ROR1: variants seen among roughly 807,000 people sequenced by gnomAD.
ROR1 encodes the protein ROR family WNT receptor 1.
Under a neutral mutation model 78.8 loss-of-function variants are expected in ROR1, and 19 were observed. The ratio of observed to expected loss-of-function variants is 0.24; its 90% CI spans 0.17 to 0.35. The LOEUF (loss-of-function observed/expected upper bound fraction) is 0.35, where lower values mean the gene tolerates loss of function less well. ROR1 is among the 10% of genes least tolerant of loss of function. ROR1 has a pLI of 1.00. For missense variants in ROR1, 917 were observed against 1,177.8 expected (o/e 0.78, Z 3.24); for synonymous variants, 386 against 433.6 (o/e 0.89, Z 1.36).
chr1:63,949,519 C>T (rs1448343938), intron 1 of ROR1, among the ~76,000 whole-genome samples: 1 of 152,124 alleles, frequency 6.6e-6, no homozygotes, highest in Non-Finnish European at 1.5e-5. Context: ...AATTAAGAAA[C>T]AGAGGCTTAG....
chr1:63,815,478 C>CTTTTCTTTTTTTTTTTTTTT (rs1644885927), intron 1 of ROR1, among the ~76,000 whole-genome samples: 1 of 103,508 alleles, frequency 9.7e-6, no homozygotes, highest in South Asian at 3.0e-4. Flanking sequence ...CTTTTCTTTT[C>CTTTTCTTTTTTTTTTTTTTT]TTTTTCTTTT....
Position 64,121,490 on chromosome 1 carries a change from C to CTT in ROR1, c.483-15879_483-15878insTT, listed in dbSNP as rs1648541079. ...TGTCCCTCCCCCGGAATGTAAACTG[C>CTT]CATGAGGGCAGGGATTTTGGGATGT... On this transcript the variant is annotated intron_variant, in intron 4 of 8. Transcript: ENST00000371079. 2.0e-5 allele frequency among the ~76,000 whole-genome samples: 3 copies of CTT among 152,174 alleles called. No homozygotes were observed. The South Asian group carries it at 6.2e-4, about 32-fold the overall frequency.
At chr1:64,091,424 A>G (rs1647196178) in intron 4 of ROR1, among the ~76,000 whole-genome samples, 1 of 152,200 alleles carries the variant, frequency 6.6e-6, no homozygotes, top group Non-Finnish European at 1.5e-5. Flanking sequence ...TAATTTATCA[A>G]AGATTCAGTA....
intron 1 of ROR1, among the ~76,000 whole-genome samples, chr1:63,932,650 A>G (rs575317838): frequency 6.6e-6 from 1 of 152,110 alleles, no homozygotes; most frequent in Admixed American, 6.5e-5. Context: ...TCCTCAAGTG[A>G]TGTTATCATG....
chr1:64,055,641 A>T (rs773270493), intron 4 of ROR1, among the ~76,000 whole-genome samples: 2 of 152,196 alleles, frequency 1.3e-5, no homozygotes, highest in Non-Finnish European at 2.9e-5. Context: ...CTCTCATTAC[A>T]TATATTCCCT....
intron 7 of ROR1, among the ~76,000 whole-genome samples, chr1:64,143,961 G>A (rs1649409240): frequency 6.6e-6 from 1 of 152,168 alleles, no homozygotes; most frequent in East Asian, 1.9e-4. Context: ...CCTGTGGGAA[G>A]GATGCAAGAG....
At chr1:63,926,515 C>G (rs1645705694) in intron 1 of ROR1, among the ~76,000 whole-genome samples, 1 of 150,480 alleles carries the variant, frequency 6.6e-6, no homozygotes, top group Non-Finnish European at 1.5e-5. Flanking sequence ...TCCATATGAA[C>G]TTTAAAGTAG....
At chr1:64,084,708 G>C (rs935241874) in intron 4 of ROR1, among the ~76,000 whole-genome samples, 19 of 152,208 alleles carry the variant, frequency 1.2e-4, no homozygotes, top group African/African-American at 4.6e-4. Flanking sequence ...ATATGTCTAT[G>C]TCTGCAAGTA....
At chr1:63,951,280 C>A (rs1463841500) in intron 1 of ROR1, among the ~76,000 whole-genome samples, 1 of 152,104 alleles carries the variant, frequency 6.6e-6, no homozygotes, top group Non-Finnish European at 1.5e-5. Context: ...TCTTTTGCAG[C>A]AAAGCTTTTT....
intron 4 of ROR1, among the ~76,000 whole-genome samples, chr1:64,056,797 A>G (rs1463382695): frequency 1.6e-4 from 25 of 151,900 alleles, no homozygotes; most frequent in Admixed American, 1.6e-3. Flanking sequence ...TCATGTGCAT[A>G]TTGGCCATTT....
At chr1:63,849,070 G>C (rs6656546) in intron 1 of ROR1, among the ~76,000 whole-genome samples, 32,223 of 152,006 alleles carry the variant, frequency 0.21, 3,622 homozygotes, top group Middle Eastern at 0.26. Context: ...GCTATGCCTG[G>C]CTCTGAGATA....
At chr1:64,036,688 T>G (rs1226608791) in intron 2 of ROR1, among the ~76,000 whole-genome samples, 1 of 152,216 alleles carries the variant, frequency 6.6e-6, no homozygotes, top group Non-Finnish European at 1.5e-5. Context: ...CTCCTTAGAA[T>G]CTCAAGTGAG....
At chr1:64,127,193 T>G (rs1214388777) in intron 4 of ROR1, among the ~76,000 whole-genome samples, 1 of 152,194 alleles carries the variant, frequency 6.6e-6, no homozygotes, top group Non-Finnish European at 1.5e-5. Context: ...TGTTGTCTCT[T>G]TTTCACTAAA....
chr1:64,024,810 CA>C (rs758500170), intron 2 of ROR1, among the ~76,000 whole-genome samples: 1 of 151,556 alleles, frequency 6.6e-6, no homozygotes, highest in African/African-American at 2.4e-5. Flanking sequence ...ATTTTAAAAG[CA>C]AAAAAATGGT....
At chr1:63,978,400 C>A (rs1646179516) in intron 1 of ROR1, among the ~76,000 whole-genome samples, 1 of 152,104 alleles carries the variant, frequency 6.6e-6, no homozygotes, top group Non-Finnish European at 1.5e-5. Context: ...TTGGTTTTGA[C>A]AATAATTATA....
At chr1:64,153,718 AG>A (rs1372944500) in intron 7 of ROR1, among the ~76,000 whole-genome samples, 1 of 152,128 alleles carries the variant, frequency 6.6e-6, no homozygotes, top group African/African-American at 2.4e-5. Context: ...AGAAACAGAA[AG>A]TACCATGGTG....
intron 1 of ROR1, among the ~76,000 whole-genome samples, chr1:63,823,050 TA>T (rs1644932798): frequency 6.6e-6 from 1 of 152,324 alleles, no homozygotes; most frequent in African/African-American, 2.4e-5. Context: ...CTTTCTGGGT[TA>T]AAAAAGGGAA....
chr1:63,949,777 A>G (rs1268665360), intron 1 of ROR1, among the ~76,000 whole-genome samples: 2 of 152,092 alleles, frequency 1.3e-5, no homozygotes, highest in Non-Finnish European at 2.9e-5. Context: ...GTAGCCCGGG[A>G]ACTTGAGACT....
At chr1:64,127,456 T>G (rs1160600756) in intron 4 of ROR1, among the ~76,000 whole-genome samples, 1 of 151,904 alleles carries the variant, frequency 6.6e-6, no homozygotes. Context: ...CTTTCCTCTG[T>G]GTGTGTCTGT....
Sources: allele counts gnomAD v4.1 joint callset (sites outside exome capture counted in the v4.1 genomes callset), GRCh38; gene constraint gnomAD v4.1.1; transcripts MANE v1.5; gene names NCBI Gene and HGNC (gene_info 2026-07-23, HGNC 2026-07-21).